ADAMTSL1: variants seen among roughly 807,000 people sequenced by gnomAD.
ADAMTSL1 encodes ADAMTS-like protein 1.
A neutral mutation model predicts 201.8 loss-of-function variants in ADAMTSL1; 126 were observed. The observed-to-expected ratio is 0.62, with a 90% CI of 0.54 to 0.72. The LOEUF is 0.72. ADAMTSL1 is among the 30% of genes least tolerant of loss of function. The probability of loss-of-function intolerance (pLI) is 0.00; values close to 1 mark genes in which losing one functional copy is unlikely to be tolerated. For synonymous variants in ADAMTSL1, 1,121 were observed against 903.4 expected (o/e 1.24, Z -4.32); for missense variants, 2,679 against 2,277.8 (o/e 1.18, Z -3.59).
intron 25 of ADAMTSL1, among the ~76,000 whole-genome samples, chr9:18,891,105 G>C (rs1269632443): frequency 7.2e-6 from 1 of 139,858 alleles, no homozygotes; most frequent in African/African-American, 2.7e-5. Context: ...GTAAGTCACA[G>C]TCCAGATTTA....
At chr9:18,817,563 G>C (rs1823941349) in intron 21 of ADAMTSL1, among the ~76,000 whole-genome samples, 1 of 152,180 alleles carries the variant, frequency 6.6e-6, no homozygotes, top group Admixed American at 6.5e-5. Context: ...ATAAATTCAT[G>C]GAAGTAGAAA....
intron 13 of ADAMTSL1, among the ~76,000 whole-genome samples, chr9:18,687,094 T>G (rs562144379): frequency 2.4e-4 from 36 of 152,322 alleles, no homozygotes; most frequent in African/African-American, 8.7e-4. Flanking sequence ...ACTATTGTGC[T>G]CAGAATAATA....
At chr9:18,375,016 C>T (rs16936628) in intron 2 of ADAMTSL1, among the ~76,000 whole-genome samples, 13,211 of 152,204 alleles carry the variant, frequency 0.087, 1,497 homozygotes, top group African/African-American at 0.27. Context: ...TGGGTACCTT[C>T]GGTAGCTTTC....
intron 2 of ADAMTSL1, among the ~76,000 whole-genome samples, chr9:18,194,091 C>T (rs1481785494): frequency 6.6e-6 from 1 of 151,746 alleles, no homozygotes. Context: ...GATAGTGAAA[C>T]TGTAACTGGA....
chr9:18,876,257 G>GGTGT (rs771585918), intron 23 of ADAMTSL1, among the ~76,000 whole-genome samples: 20 of 149,076 alleles, frequency 1.3e-4, no homozygotes, highest in Admixed American at 2.7e-4. Flanking sequence ...AGTATTGAGA[G>GGTGT]GTGTGGTACT....
chr9:18,680,021 A>G (rs545392799), intron 10 of ADAMTSL1, among the ~76,000 whole-genome samples: 17 of 152,318 alleles, frequency 1.1e-4, no homozygotes, highest in Non-Finnish European at 2.1e-4. Context: ...ACTACATCCT[A>G]CATCTTCTGA....
intron 15 of ADAMTSL1, among the ~76,000 whole-genome samples, chr9:18,739,899 C>CTGTGTGTGTGTGTGTGTG (rs5896804): frequency 1.3e-3 from 188 of 148,234 alleles, no homozygotes; most frequent in African/African-American, 1.8e-3. Context: ...TGTCTACTAT[C>CTGTGTGTGTGTGTGTGTG]TGTGTGTGTG....
intron 2 of ADAMTSL1, among the ~76,000 whole-genome samples, chr9:18,421,497 T>C (rs988068504): frequency 3.9e-5 from 6 of 152,126 alleles, no homozygotes; most frequent in African/African-American, 1.2e-4. Flanking sequence ...CTTGCTGCTA[T>C]TAACAGCAAG....
At chr9:18,199,409 A>T (rs919522141) in intron 2 of ADAMTSL1, among the ~76,000 whole-genome samples, 1 of 152,082 alleles carries the variant, frequency 6.6e-6, no homozygotes, top group African/African-American at 2.4e-5. Flanking sequence ...AATATAAGAC[A>T]ATTGATCACT....
intron 3 of ADAMTSL1, among the ~76,000 whole-genome samples, chr9:18,556,789 G>A (rs141077754): frequency 3.3e-5 from 5 of 152,036 alleles, no homozygotes; most frequent in African/African-American, 1.2e-4. Flanking sequence ...CATATGTTAA[G>A]CCATTCATAT....
intron 20 of ADAMTSL1, among the ~76,000 whole-genome samples, chr9:18,805,949 C>T (rs1272159207): frequency 6.6e-6 from 1 of 152,230 alleles, no homozygotes; most frequent in Non-Finnish European, 1.5e-5. Flanking sequence ...AGTCTCTCTT[C>T]ACCCTGAGAA....
At chr9:17,970,892 C>T (rs914317635) in intron 1 of ADAMTSL1, among the ~76,000 whole-genome samples, 18 of 152,126 alleles carry the variant, frequency 1.2e-4, no homozygotes, top group African/African-American at 4.3e-4. Flanking sequence ...GTGTCTAGCA[C>T]AGACCTTGGA....
intron 1 of ADAMTSL1, among the ~76,000 whole-genome samples, chr9:18,094,310 G>A (rs1394671247): frequency 6.6e-6 from 1 of 152,114 alleles, no homozygotes; most frequent in African/African-American, 2.4e-5. Flanking sequence ...AAAACTAGTC[G>A]GCTTTATCTG....
chr9:18,658,006 G>T (rs899958958), intron 8 of ADAMTSL1, among the ~76,000 whole-genome samples: 1 of 136,678 alleles, frequency 7.3e-6, no homozygotes, highest in Non-Finnish European at 1.5e-5. Flanking sequence ...ACAGAGTCTC[G>T]CACTGTCGCC....
intron 23 of ADAMTSL1, among the ~76,000 whole-genome samples, chr9:18,886,160 GTA>G (rs1210723048): frequency 2.7e-4 from 8 of 29,776 alleles, no homozygotes; most frequent in African/African-American, 4.6e-4. Context: ...ATGTGAGTGT[GTA>G]TGTGTATATA....
intron 19 of ADAMTSL1, among the ~76,000 whole-genome samples, chr9:18,786,445 A>G (rs955183916): frequency 2.0e-5 from 3 of 152,192 alleles, no homozygotes. Context: ...GTCTACTTTT[A>G]TCTCTCTGAA....
chr9:18,325,990 C>T (rs901760613), intron 2 of ADAMTSL1, among the ~76,000 whole-genome samples: 2 of 152,164 alleles, frequency 1.3e-5, no homozygotes, highest in Non-Finnish European at 2.9e-5. Context: ...ATCCACCCAC[C>T]TTGGGCCTCC....
chr9:18,714,316 T>C (rs1359448499), intron 14 of ADAMTSL1, among the ~76,000 whole-genome samples: 1 of 151,604 alleles, frequency 6.6e-6, no homozygotes, highest in African/African-American at 2.4e-5. Context: ...CAGGAGCTGG[T>C]TTTTTGAAAG....
chr9:18,411,500 G>A (rs1249091709), intron 2 of ADAMTSL1, among the ~76,000 whole-genome samples: 1 of 152,092 alleles, frequency 6.6e-6, no homozygotes, highest in Non-Finnish European at 1.5e-5. Context: ...TACCTGGCCT[G>A]ATGGGTAGAT....
Sources: allele counts gnomAD v4.1 joint callset (sites outside exome capture counted in the v4.1 genomes callset), GRCh38; gene constraint gnomAD v4.1.1; transcripts MANE v1.5; gene names NCBI Gene and HGNC (gene_info 2026-07-23, HGNC 2026-07-21).